The following FEZ1 variants were observed in gnomAD, a reference collection of about 807,000 sequenced individuals.
The protein encoded by FEZ1 is fasciculation and elongation protein zeta-1.
A neutral mutation model predicts 49.3 loss-of-function variants in FEZ1; 20 were observed. The ratio of observed to expected loss-of-function variants is 0.41; its 90% CI spans 0.29 to 0.59. FEZ1 has a LOEUF of 0.59. Ranked by LOEUF, FEZ1 falls within the 20% of genes least tolerant of loss-of-function variation. FEZ1 has a pLI of 0.36. For synonymous variants in FEZ1, 170 were observed against 180.9 expected, an observed-to-expected ratio of 0.94 and a Z score of 0.48; for missense variants, 413 against 476.0, an observed-to-expected ratio of 0.87 and a Z score of 1.23.
chr11:125,486,945 G>A (rs78323941), intron 2 of FEZ1, among the ~76,000 whole-genome samples: 2,902 of 152,286 alleles, frequency 0.019, 73 homozygotes, highest in African/African-American at 0.056. Flanking sequence ...AGAAAGTGTT[G>A]TGTTAATTTT....
intron 3 of FEZ1, among the ~76,000 whole-genome samples, chr11:125,465,151 C>T (rs755419326): frequency 6.6e-6 from 1 of 152,084 alleles, no homozygotes; most frequent in Non-Finnish European, 1.5e-5. Context: ...TCCTGGGAAA[C>T]AGGGTTATTT....
chr11:125,480,974 G>T, intron 3 of FEZ1, among the ~76,000 whole-genome samples: 1 of 152,016 alleles, frequency 6.6e-6, no homozygotes, highest in Middle Eastern at 3.4e-3. Flanking sequence ...GGGAGGCGAA[G>T]GTTGCAGTGA....
intron 8 of FEZ1, among the ~76,000 whole-genome samples, chr11:125,449,566 AT>A (rs1956934562): frequency 6.6e-6 from 1 of 152,128 alleles, no homozygotes; most frequent in Non-Finnish European, 1.5e-5. Flanking sequence ...TAGAAAAAAA[AT>A]CTAGAACAAT....
chr11:125,475,594 G>A (rs1280013480), intron 3 of FEZ1, among the ~76,000 whole-genome samples: 1 of 152,052 alleles, frequency 6.6e-6, no homozygotes, highest in African/African-American at 2.4e-5. Flanking sequence ...AGGATGAAGG[G>A]TGGGAGGAGG....
chr11:125,482,218 A>G (rs1437203519), intron 2 of FEZ1, among the ~76,000 whole-genome samples: 1 of 152,210 alleles, frequency 6.6e-6, no homozygotes, highest in Non-Finnish European at 1.5e-5. Context: ...GAATAATGCC[A>G]ATACAGTGAG....
chr11:125,455,466 C>G (rs897950392), intron 6 of FEZ1: 1 of 278,368 alleles, frequency 3.6e-6, no homozygotes, highest in Non-Finnish European at 6.8e-6. Flanking sequence ...CCTAAAGAGA[C>G]CAGTCAGGAC....
chr11:125,478,848 G>A (rs1957255563), intron 3 of FEZ1, among the ~76,000 whole-genome samples: 1 of 152,170 alleles, frequency 6.6e-6, no homozygotes, highest in Non-Finnish European at 1.5e-5. Context: ...TTGAAGGGCA[G>A]GCTATCTTAT....
chr11:125,467,036 ATTT>A (rs11323641), intron 3 of FEZ1, among the ~76,000 whole-genome samples: 6 of 144,202 alleles, frequency 4.2e-5, no homozygotes, highest in Non-Finnish European at 1.5e-5. Context: ...ACTGTGTCCC[ATTT>A]TTTTTTTTTT....
rs1957363275 is a variant in FEZ1 at position 125,489,679 on chromosome 11, T to C, written c.99A>G (p.Ser33=). 4.3e-6 allele frequency: 7 copies of C among 1,613,936 alleles called. No individual in the cohort carries two copies. The highest frequency in any genetic ancestry group is 3.3e-4 in the Middle Eastern group (2 of 6,062). The change falls in exon 2 of 10, where the codon TCA becomes TCG. Residue 33 remains serine (S), a synonymous_variant. Transcript: ENST00000278919. The surrounding 1 kb of genome is among the most constrained non-coding windows in gnomAD (Gnocchi z 4.2). The part of the protein sequence containing the change: ...PEEKPQCFYG[S]SPHHLEDPSL... Reference sequence around the variant, plus strand: ...AGGGGTCCTCGAGATGGTGGGGAGATGAACCATAGAAACACTGGGGCTTCT... The same window carrying C: ...AGGGGTCCTCGAGATGGTGGGGAGACGAACCATAGAAACACTGGGGCTTCT...
intron 2 of FEZ1, among the ~76,000 whole-genome samples, chr11:125,487,415 T>C (rs1054608703): frequency 6.6e-6 from 1 of 152,146 alleles, no homozygotes; most frequent in Non-Finnish European, 1.5e-5. Context: ...CACAGCGAGT[T>C]AGAGAGAGTA....
intron 5 of FEZ1, among the ~76,000 whole-genome samples, chr11:125,457,029 C>T (rs1272325210): frequency 6.7e-6 from 1 of 150,242 alleles, no homozygotes; most frequent in Non-Finnish European, 1.5e-5. Flanking sequence ...ACTTAAAATA[C>T]AAAATTAGCC....
At position 125,455,905 on chromosome 11, in the gene FEZ1, T is replaced by C. The variant is rs1291794558; in HGVS notation, c.869A>G (p.Lys290Arg). The part of the protein sequence containing the change: ...KQKEQRELMK[K>R]RRKEKGLSLQ... ...GCTCAGCCCTTTCTCTTTCCGCCTC[T>C]TTTTCATCAGTTCTCGCTGCTCCTT... Residue 290 changes from lysine to arginine, a missense_variant, in exon 6 of 10, where the codon AAG (lysine) becomes AGG (arginine). By Grantham distance (26) the Lys-to-Arg change is conservative. Coordinates refer to ENST00000278919, the MANE Select transcript of FEZ1 (RefSeq NM_005103.5). 3 of 1,613,642 alleles carry C rather than the reference T, an allele frequency of 1.9e-6. No homozygotes were observed. Among genetic ancestry groups the C allele is most frequent in the Non-Finnish European group, 2.5e-6 (3 of 1,179,946 alleles).
In FEZ1 at chr11:125,493,461, AGAAG is replaced by A. The variant is rs1160796189; in HGVS notation, c.-46+2656_-46+2659del. On this transcript the variant is annotated intron_variant, in intron 1 of 9. Coordinates refer to ENST00000278919, the MANE Select transcript of FEZ1 (RefSeq NM_005103.5). The stretch of plus-strand genomic sequence containing the variant: ...AAGAAGGAAAGAAGGAAAGAAGGAA[AGAAG>A]GAAAGAAGGAAAGAAGGAAAGAAGG... Among the ~76,000 whole-genome samples, 11 of 68,980 alleles carry A rather than the reference AGAAG, an allele frequency of 1.6e-4. 3 individuals are homozygous for A. The highest frequency in any genetic ancestry group is 9.9e-4 in the African/African-American group (11 of 11,086). 45.3% of individuals were successfully genotyped at this position (68,980 alleles called of 152,430 possible). A position where few individuals can be genotyped will look rare whatever the true frequency, so the allele number is the denominator to read the frequency against.
At position 125,444,440 on chromosome 11, in the gene FEZ1, C is replaced by T. The variant is rs1956879855; in HGVS notation, c.*1655G>A. Reference sequence around the variant, plus strand: ...GTCTCTACTAAAAATATAAAATTAGCTGGGTGTGGTGCTGCATGCCTGTAA... The same window carrying T: ...GTCTCTACTAAAAATATAAAATTAGTTGGGTGTGGTGCTGCATGCCTGTAA... On this transcript the variant is annotated 3_prime_UTR_variant, in exon 10 of 10. Coordinates refer to ENST00000278919, the MANE Select transcript of FEZ1 (RefSeq NM_005103.5). Among the ~76,000 whole-genome samples, 1 of 152,108 alleles carries T rather than the reference C, an allele frequency of 6.6e-6. No individual in the cohort carries two copies. Among genetic ancestry groups the T allele is most frequent in the South Asian group, 2.1e-4 (1 of 4,822 alleles).
intron 7 of FEZ1, 62 bp from the exon 8 acceptor site, chr11:125,452,471 T>C: frequency 9.0e-7 from 1 of 1,111,908 alleles, no homozygotes; most frequent in South Asian, 1.3e-5. Context: ...TGGGTTGAGA[T>C]TTAGCCTTTC....
In FEZ1 at chr11:125,444,018, C is replaced by T. The variant is rs953496451; in HGVS notation, c.*2077G>A. ...TGAGGCTGGTGAAAAACCCCGTCGC[C>T]GGCAGAGTGCTAAACATGCTAATGA... On this transcript the variant is annotated 3_prime_UTR_variant, in exon 10 of 10. Transcript: ENST00000278919. Among the ~76,000 whole-genome samples, 9 of 152,198 alleles carry T rather than the reference C, an allele frequency of 5.9e-5. No individual in the cohort carries two copies. In the East Asian group the frequency reaches 1.2e-3, roughly 20 times the overall value.
At chr11:125,493,914 G>C (rs1283640473) in intron 1 of FEZ1, among the ~76,000 whole-genome samples, 1 of 152,198 alleles carries the variant, frequency 6.6e-6, no homozygotes, top group East Asian at 1.9e-4. Context: ...CCAGAATCTA[G>C]GACTAAGACT....
At chr11:125,475,914 G>T (rs768345825) in intron 3 of FEZ1, among the ~76,000 whole-genome samples, 1 of 152,154 alleles carries the variant, frequency 6.6e-6, no homozygotes, top group Admixed American at 6.6e-5. Context: ...ATCTATAAGC[G>T]AATGAATAAG....
intron 3 of FEZ1, among the ~76,000 whole-genome samples, chr11:125,481,033 C>T (rs1957274354): frequency 6.8e-6 from 1 of 146,358 alleles, no homozygotes; most frequent in Non-Finnish European, 1.5e-5. Context: ...AGCGAGATTC[C>T]ATCTCAAAAA....
Sources: allele counts gnomAD v4.1 joint callset (sites outside exome capture counted in the v4.1 genomes callset), GRCh38; gene constraint gnomAD v4.1.1; non-coding constraint Gnocchi (gnomAD v3.1); transcripts MANE v1.5; gene names NCBI Gene and HGNC (gene_info 2026-07-23, HGNC 2026-07-21).